The following C6 variants were observed in gnomAD, a reference collection of about 807,000 sequenced individuals.
The protein encoded by C6 is complement component C6.
Under a neutral mutation model 112.9 loss-of-function variants are expected in C6, and 101 were observed. The observed-to-expected ratio is 0.89, with a 90% CI of 0.76 to 1.06. The LOEUF is 1.06. Ranked by LOEUF, C6 falls within the 50% of genes least tolerant of loss-of-function variation. The pLI is 0.00. For missense variants in C6, 1,202 were observed against 1,104.6 expected (o/e 1.09, Z -1.25); for synonymous variants, 431 against 384.1 (o/e 1.12, Z -1.43).
At chr5:41,254,227 C>T (rs1462873690) in intron 1 of C6, among the ~76,000 whole-genome samples, 1 of 152,024 alleles carries the variant, frequency 6.6e-6, no homozygotes, top group Non-Finnish European at 1.5e-5. Flanking sequence ...CGGTGAAACC[C>T]CATCTCTACT....
At chr5:41,223,245 C>A (rs895240639) in intron 1 of C6, among the ~76,000 whole-genome samples, 2 of 152,038 alleles carry the variant, frequency 1.3e-5, no homozygotes, top group Non-Finnish European at 2.9e-5. Context: ...ACAAAGAAAG[C>A]ACCAGATAAT....
At chr5:41,166,135 T>G (rs551027714) in intron 9 of C6, among the ~76,000 whole-genome samples, 6 of 152,102 alleles carry the variant, frequency 3.9e-5, no homozygotes, top group Admixed American at 1.3e-4. Context: ...ACACTCAAAG[T>G]TTTTCAATTT....
chr5:41,158,956 C>T (rs982647170), intron 12 of C6, 126 bp downstream of exon 12: 19 of 1,267,148 alleles, frequency 1.5e-5, no homozygotes, highest in Non-Finnish European at 2.1e-5. Context: ...CATTAATATT[C>T]TGTGTTGGCA....
chr5:41,159,378 C>CA, intron 11 of C6, 125 bp from the exon 12 acceptor site: 2 of 1,460,230 alleles, frequency 1.4e-6, no homozygotes. Flanking sequence ...TGATAGGGTT[C>CA]TTCTAAGGAT....
chr5:41,224,642 A>G (rs569750469), intron 1 of C6, among the ~76,000 whole-genome samples: 72 of 151,692 alleles, frequency 4.7e-4, no homozygotes, highest in African/African-American at 6.3e-4. Context: ...TTGTTTATCT[A>G]TTTATCAGTT....
intron 1 of C6, among the ~76,000 whole-genome samples, chr5:41,219,980 T>G (rs1580217814): frequency 6.6e-6 from 1 of 152,102 alleles, no homozygotes; most frequent in Non-Finnish European, 1.5e-5. Context: ...AAGAGGGAAA[T>G]GAAAGAACAG....
chr5:41,228,859 C>T (rs1294286602), intron 1 of C6, among the ~76,000 whole-genome samples: 1 of 152,112 alleles, frequency 6.6e-6, no homozygotes, highest in Non-Finnish European at 1.5e-5. Flanking sequence ...ATTCAGTTTG[C>T]AGGTATTTTA....
intron 1 of C6, among the ~76,000 whole-genome samples, chr5:41,230,403 G>T (rs1739821788): frequency 6.6e-6 from 1 of 152,040 alleles, no homozygotes; most frequent in African/African-American, 2.4e-5. Flanking sequence ...CTGGGGGGAG[G>T]TCTATAATTG....
intron 9 of C6, among the ~76,000 whole-genome samples, chr5:41,163,602 C>T (rs769640715): frequency 1.3e-5 from 2 of 152,150 alleles, no homozygotes; most frequent in African/African-American, 2.4e-5. Context: ...TGAGCCACTG[C>T]GCCCAGCCTG....
At chr5:41,220,510 A>G (rs551657533) in intron 1 of C6, among the ~76,000 whole-genome samples, 1 of 152,256 alleles carries the variant, frequency 6.6e-6, no homozygotes, top group East Asian at 1.9e-4. Flanking sequence ...GTGTGTAATC[A>G]GAAAGAAGGC....
At chr5:41,252,655 C>T (rs1741438562) in intron 1 of C6, among the ~76,000 whole-genome samples, 1 of 152,220 alleles carries the variant, frequency 6.6e-6, no homozygotes, top group Non-Finnish European at 1.5e-5. Context: ...GTCTCCTTCC[C>T]TTTCCAGGTC....
At chr5:41,210,942 G>T (rs539228900) in intron 1 of C6, among the ~76,000 whole-genome samples, 4 of 152,272 alleles carry the variant, frequency 2.6e-5, no homozygotes, top group African/African-American at 9.6e-5. Flanking sequence ...ACATACATAT[G>T]TTTATTGTGG....
At chr5:41,257,522 G>A (rs942795530) in intron 1 of C6, among the ~76,000 whole-genome samples, 9 of 151,936 alleles carry the variant, frequency 5.9e-5, no homozygotes, top group African/African-American at 2.2e-4. Flanking sequence ...TTATTTTTTG[G>A]GGATACATAC....
At chr5:41,189,719 T>G (rs1750052438) in intron 5 of C6, among the ~76,000 whole-genome samples, 1 of 152,078 alleles carries the variant, frequency 6.6e-6, no homozygotes, top group South Asian at 2.1e-4. Flanking sequence ...CTTATTCCTC[T>G]TATCTAGCTG....
At chr5:41,211,633 C>G (rs531225093) in intron 1 of C6, among the ~76,000 whole-genome samples, 1 of 152,038 alleles carries the variant, frequency 6.6e-6, no homozygotes, top group Non-Finnish European at 1.5e-5. Context: ...GAAGCCACTC[C>G]CCTATACCCT....
intron 9 of C6, among the ~76,000 whole-genome samples, chr5:41,165,024 A>G (rs1747860103): frequency 6.6e-6 from 1 of 152,120 alleles, no homozygotes; most frequent in African/African-American, 2.4e-5. Flanking sequence ...GCAAACGCCA[A>G]TTGTATTATT....
intron 1 of C6, among the ~76,000 whole-genome samples, chr5:41,250,696 C>T (rs7728289): frequency 0.025 from 3,747 of 152,220 alleles, 169 homozygotes; most frequent in African/African-American, 0.085. Context: ...AGAGTATAGC[C>T]AAGCTTGAGC....
At chr5:41,240,889 G>A (rs939020654) in intron 1 of C6, among the ~76,000 whole-genome samples, 2 of 152,188 alleles carry the variant, frequency 1.3e-5, no homozygotes, top group African/African-American at 4.8e-5. Flanking sequence ...AGTGGGCACA[G>A]TAGGGAAGTC....
chr5:41,155,930 C>A (rs1746860012), intron 13 of C6, among the ~76,000 whole-genome samples: 1 of 151,894 alleles, frequency 6.6e-6, no homozygotes, highest in Admixed American at 6.6e-5. Flanking sequence ...TGACTGAGTG[C>A]AGATCATTTA....
Sources: gnomAD v4.1 joint callset for allele counts (sites outside exome capture counted in the v4.1 genomes callset) on GRCh38, gnomAD v4.1.1 for gene constraint, MANE v1.5 for transcripts, NCBI Gene and HGNC (gene_info 2026-07-23, HGNC 2026-07-21) for gene names.